LSM14A: variants seen among roughly 807,000 people sequenced by gnomAD.
LSM14A encodes protein LSM14 homolog A.
LSM14A carries 14 observed loss-of-function variants against 52.4 expected under a neutral mutation model. The ratio of observed to expected loss-of-function variants is 0.27; its 90% CI spans 0.18 to 0.42. The LOEUF (loss-of-function observed/expected upper bound fraction) is 0.42. Among genes scored for constraint, LSM14A ranks in the 10% least tolerant of loss-of-function variants. The probability of loss-of-function intolerance (pLI) is 1.00; values close to 1 mark genes in which losing one functional copy is unlikely to be tolerated. For missense variants in LSM14A, 417 were observed against 581.8 expected, an observed-to-expected ratio of 0.72 and a Z score of 2.91; for synonymous variants, 185 against 200.3, an observed-to-expected ratio of 0.92 and a Z score of 0.64.
chr19:34,220,159 G>A (rs1451281862), intron 8 of LSM14A, among the ~76,000 whole-genome samples: 1 of 151,940 alleles, frequency 6.6e-6, no homozygotes, highest in African/African-American at 2.4e-5. Context: ...TGTAGAGATG[G>A]GGGTCTCGCT....
At chr19:34,214,796 G>T (rs1382667727) in intron 4 of LSM14A, among the ~76,000 whole-genome samples, 1 of 150,344 alleles carries the variant, frequency 6.7e-6, no homozygotes, top group South Asian at 2.1e-4. Context: ...TAATTCTAGG[G>T]AATCTCGTAC....
At chr19:34,196,789 T>A (rs775107573) in intron 3 of LSM14A, 26 bp downstream of exon 3, 2 of 1,583,926 alleles carry the variant, frequency 1.3e-6, no homozygotes, top group Non-Finnish European at 1.7e-6. Context: ...CTTTTCTTTT[T>A]TTGTTTTTGT....
Position 34,227,379 on chromosome 19 carries a change from T to C in LSM14A, c.1383T>C (p.Val461=). The change falls in exon 10 of 10, where the codon GTT becomes GTC. Residue 461 remains valine, a synonymous_variant. Coordinates refer to ENST00000544216, the MANE Select transcript of LSM14A (RefSeq NM_015578.4). The part of the protein sequence containing the change: ...ADFEYRKDNK[V]AA The stretch of plus-strand genomic sequence containing the variant: ...TTCTTTTTTAGAAAGACAACAAAGT[T>C]GCTGCATAGTCTACAAACAAGTCTC... 6.3e-7 allele frequency: 1 copy of C among 1,597,920 alleles called. No individual in the cohort carries two copies. Among genetic ancestry groups the C allele is most frequent in the South Asian group, 1.2e-5 (1 of 86,894 alleles).
chr19:34,180,545 C>G (rs369964801), intron 1 of LSM14A, among the ~76,000 whole-genome samples: 41 of 152,220 alleles, frequency 2.7e-4, no homozygotes, highest in East Asian at 1.5e-3. Flanking sequence ...ATGTTATTTC[C>G]CACCACGATC....
intron 6 of LSM14A, among the ~76,000 whole-genome samples, chr19:34,217,920 A>G (rs2072772415): frequency 6.6e-6 from 1 of 151,648 alleles, no homozygotes; most frequent in African/African-American, 2.4e-5. Context: ...AAAGAGGTTC[A>G]TTAACAGAAC....
At chr19:34,221,970 C>T in intron 9 of LSM14A, 1 of 529,558 alleles carries the variant, frequency 1.9e-6, no homozygotes, top group Non-Finnish European at 2.4e-6. Context: ...ACTTTTAACA[C>T]CCAAAGAGTC....
At chr19:34,190,684 G>C (rs766733095) in intron 1 of LSM14A, among the ~76,000 whole-genome samples, 15 of 151,998 alleles carry the variant, frequency 9.9e-5, no homozygotes, top group Non-Finnish European at 1.8e-4. Flanking sequence ...GTGATATACT[G>C]TTCTTAGTTT....
At chr19:34,205,860 ATTTTTAT>A (rs929909932) in intron 3 of LSM14A, among the ~76,000 whole-genome samples, 17 of 152,042 alleles carry the variant, frequency 1.1e-4, no homozygotes, top group Non-Finnish European at 2.2e-4. Context: ...TTTATTTTTT[ATTTTTAT>A]TTTATAAGAT....
chr19:34,211,013 A>G (rs375086871), intron 4 of LSM14A, among the ~76,000 whole-genome samples: 70 of 152,088 alleles, frequency 4.6e-4, no homozygotes, highest in South Asian at 4.4e-3. Context: ...ACAAAAGTCA[A>G]TAGTTCTGGC....
At chr19:34,199,517 A>C (rs764582336) in intron 3 of LSM14A, among the ~76,000 whole-genome samples, 1 of 152,210 alleles carries the variant, frequency 6.6e-6, no homozygotes. Context: ...TGTTTTTACC[A>C]TGGAGACGGA....
intron 9 of LSM14A, among the ~76,000 whole-genome samples, chr19:34,225,524 G>C (rs1051736451): frequency 6.6e-6 from 1 of 152,170 alleles, no homozygotes; most frequent in Non-Finnish European, 1.5e-5. Flanking sequence ...ATTAGCATGA[G>C]TCATTGTGGT....
intron 2 of LSM14A, among the ~76,000 whole-genome samples, chr19:34,196,101 A>G (rs1177627609): frequency 6.6e-6 from 1 of 152,196 alleles, no homozygotes; most frequent in Non-Finnish European, 1.5e-5. Context: ...TATATTTTAT[A>G]TGCTTTAGGT....
At chr19:34,208,345 A>G (rs1175858508) in intron 3 of LSM14A, 1 of 152,214 alleles carries the variant, frequency 6.6e-6, no homozygotes, top group South Asian at 2.1e-4. Flanking sequence ...TAGAGAAGAA[A>G]TTTGATATAA....
chr19:34,199,700 C>T (rs988448288), intron 3 of LSM14A, among the ~76,000 whole-genome samples: 2 of 152,124 alleles, frequency 1.3e-5, no homozygotes, highest in African/African-American at 4.8e-5. Flanking sequence ...AGACTCAGCT[C>T]TTAGTTTCTA....
chr19:34,216,343 G>A (rs1042783237), intron 6 of LSM14A, among the ~76,000 whole-genome samples: 1 of 151,778 alleles, frequency 6.6e-6, no homozygotes, highest in African/African-American at 2.4e-5. Context: ...AACTGGGGAG[G>A]TGGAGCTTGC....
chr19:34,178,381 C>T (rs2069231247), intron 1 of LSM14A, among the ~76,000 whole-genome samples: 1 of 152,110 alleles, frequency 6.6e-6, no homozygotes, highest in Non-Finnish European at 1.5e-5. Flanking sequence ...GGAACCTAAG[C>T]ATATGTCAAG....
intron 3 of LSM14A, among the ~76,000 whole-genome samples, chr19:34,202,078 A>C (rs918992938): frequency 6.1e-4 from 91 of 148,940 alleles, no homozygotes; most frequent in Non-Finnish European, 1.1e-3. Flanking sequence ...TCCGCCTCCC[A>C]AAGTGTTGGG....
chr19:34,221,799 T>C lies in LSM14A; in HGVS notation c.1368+61T>C. The C allele has an allele frequency of 2.0e-6, 3 of 1,531,000 alleles. No individual in the cohort carries two copies. The East Asian group carries it at 7.0e-5, about 36-fold the overall frequency. 94.8% of individuals were successfully genotyped at this position (1,531,000 alleles called of 1,614,324 possible). On this transcript the variant is annotated intron_variant, in intron 9 of 9. Coordinates refer to ENST00000544216, the MANE Select transcript of LSM14A (RefSeq NM_015578.4). Reference sequence around the variant, plus strand: ...CATGCATTTTACAAGACTCAAAACATTTTTACTTGTTTTTGTTTTGGGTGA... The same window carrying C: ...CATGCATTTTACAAGACTCAAAACACTTTTACTTGTTTTTGTTTTGGGTGA...
intron 1 of LSM14A, among the ~76,000 whole-genome samples, chr19:34,190,858 G>A (rs561134287): frequency 6.6e-6 from 1 of 152,002 alleles, no homozygotes; most frequent in African/African-American, 2.4e-5. Flanking sequence ...ATAAGTCTCT[G>A]TGGCTTGTAG....
Sources: allele counts gnomAD v4.1 joint callset (sites outside exome capture counted in the v4.1 genomes callset), GRCh38; gene constraint gnomAD v4.1.1; transcripts MANE v1.5; gene names NCBI Gene and HGNC (gene_info 2026-07-23, HGNC 2026-07-21).